CRYBG2: variants seen among roughly 807,000 people sequenced by gnomAD.
CRYBG2 encodes the protein crystallin beta-gamma domain containing 2, also known as beta/gamma crystallin domain-containing protein 2.
In CRYBG2, 106 loss-of-function variants were observed where a neutral mutation model predicts 153.4. The observed-to-expected ratio is 0.69, with a 90% CI of 0.59 to 0.81. CRYBG2 has a LOEUF of 0.81. Ranked by LOEUF, CRYBG2 falls within the 30% of genes least tolerant of loss-of-function variation. The pLI is 0.00. For synonymous variants in CRYBG2, 851 were observed against 877.8 expected, an observed-to-expected ratio of 0.97 and a Z score of 0.54; for missense variants, 1,996 against 2,112.0, an observed-to-expected ratio of 0.95 and a Z score of 1.08.
In CRYBG2 at chr1:26,344,560, G is replaced by C. The variant is rs2074179846; in HGVS notation, c.2098C>G (p.Gln700Glu). The C allele has an allele frequency of 6.5e-7, 1 of 1,541,736 alleles. No individual in the cohort carries two copies. Among genetic ancestry groups the C allele is most frequent in the East Asian group, 2.4e-5 (1 of 40,936 alleles). ...GGGGCAGGGAGAGCATCAGGGTCCT[G>C]CACAACCTCTTTCTGGGTGAGAGAT... ...ISSLTQKEVVQDPDALPAPSS... is the reference protein window; with the variant it reads ...ISSLTQKEVVEDPDALPAPSS... Residue 700 changes from glutamine (Q) to glutamate (E), a missense_variant, in exon 2 of 20, where the codon CAG (glutamine) becomes GAG (glutamate). Gln to Glu is a conservative substitution (Grantham distance 29). Transcript: ENST00000308182.
At chr1:26,329,009 A>G in intron 15 of CRYBG2, 136 bp from the exon 16 acceptor site, 1 of 1,106,394 alleles carries the variant, frequency 9.0e-7, no homozygotes, top group Admixed American at 2.7e-5. Context: ...CTGCAGGGCC[A>G]CTGATTCTTG....
Position 26,339,459 on chromosome 1 carries a change from G to C in CRYBG2, c.3205-30C>G, listed in dbSNP as rs753806828. 49 of 1,611,858 alleles carry C rather than the reference G, an allele frequency of 3.0e-5. 2 individuals are homozygous for C. In the South Asian group the frequency reaches 4.6e-4, roughly 15 times the overall value. ...GGAAGGAGGGGGAAAATTAAATATA[G>C]ATAAACAGCCAGGCGTGGTGGCTCA... On this transcript the variant is annotated intron_variant, in intron 5 of 19. Transcript: ENST00000308182.
chr1:26,324,348 G>A, intron 17 of CRYBG2, 38 bp from the exon 18 acceptor site: 3 of 1,564,512 alleles, frequency 1.9e-6, no homozygotes, highest in Non-Finnish European at 2.6e-6. Context: ...GGGGTGCCGG[G>A]GAGGGATGAC....
Position 26,331,483 on chromosome 1 carries a change from A to G in CRYBG2, c.4314+6T>C. On this transcript the variant is annotated splice_donor_region_variant and intron_variant, in intron 15 of 19. Transcript: ENST00000308182. ...GGATTGCCTGGAACCAGACATGGAA[A>G]CTCACCAGGGATACCTTCTGGAGAG... 6.2e-7 allele frequency: 1 copy of G among 1,607,146 alleles called. No individual in the cohort carries two copies. The highest frequency in any genetic ancestry group is 1.1e-5 in the South Asian group (1 of 90,976).
chr1:26,323,672 G>A (rs1282138296), intron 18 of CRYBG2, among the ~76,000 whole-genome samples: 1 of 151,870 alleles, frequency 6.6e-6, no homozygotes, highest in Non-Finnish European at 1.5e-5. Context: ...AGGCTGGAGT[G>A]CAGTGGCGCA....
chr1:26,342,679 G>A (rs1031996168), intron 5 of CRYBG2, 75 bp downstream of exon 5: 22 of 1,568,400 alleles, frequency 1.4e-5, no homozygotes, highest in East Asian at 1.1e-4. Flanking sequence ...CATTACAGGC[G>A]TGAGTCACTG....
intron 5 of CRYBG2, 135 bp from the exon 6 acceptor site, chr1:26,339,564 T>C: frequency 6.8e-6 from 6 of 877,514 alleles, no homozygotes; most frequent in Non-Finnish European, 1.0e-5. Flanking sequence ...CTGACCAACA[T>C]GGAGAAACCC....
At chr1:26,327,750 C>A (rs749533401) in intron 17 of CRYBG2, among the ~76,000 whole-genome samples, 1 of 151,880 alleles carries the variant, frequency 6.6e-6, no homozygotes, top group African/African-American at 2.4e-5. Flanking sequence ...AATTGGAGAC[C>A]AGTCTGGCCA....
rs1333653999 is a variant in CRYBG2 at position 26,337,287 on chromosome 1, T to C, written c.3737A>G (p.Asp1246Gly). Residue 1246 changes from aspartate to glycine, a missense_variant, in exon 10 of 20, where the codon GAC (aspartate) becomes GGC (glycine). Transcript: ENST00000308182. ...GACCCGGAGGGAGGTCAGCAACTCG[T>C]CATAGCCTCCCCAGTGTGACCAGTC... Reference protein sequence around the residue: ...YPDWSHWGGYDELLTSLRVIR... With the variant: ...YPDWSHWGGYGELLTSLRVIR... 1 of 1,614,046 alleles carries C rather than the reference T, an allele frequency of 6.2e-7. No homozygotes were observed. The highest frequency in any genetic ancestry group is 1.7e-5 in the Admixed American group (1 of 60,018).
rs1018952015 is a variant in CRYBG2 at position 26,328,818 on chromosome 1, T to G, written c.4370A>C (p.Glu1457Ala). 1 of 1,613,914 alleles carries G rather than the reference T, an allele frequency of 6.2e-7. No homozygotes were observed. The highest frequency in any genetic ancestry group is 1.3e-5 in the African/African-American group (1 of 74,880). ...LYGLECFEGKEIELSREVRSL... is the reference protein window; with the variant it reads ...LYGLECFEGKAIELSREVRSL... ...CCGCACCTCCCTGCTGAGCTCGATC[T>G]CCTTCCCCTCGAAGCACTCGAGTCC... Residue 1457 changes from glutamate to alanine, a missense_variant, in exon 16 of 20, where the codon GAG becomes GCG. Glu to Ala is a moderately radical substitution (Grantham distance 107, BLOSUM62 -1). Coordinates refer to ENST00000308182, the MANE Select transcript of CRYBG2 (RefSeq NM_001039775.4).
Position 26,336,600 on chromosome 1 carries a change from AC to A in CRYBG2, c.4038+5del. On this transcript the variant is annotated splice_donor_5th_base_variant and intron_variant, in intron 12 of 19. Transcript: ENST00000308182. The surrounding 1 kb of genome is among the most constrained non-coding windows in gnomAD (Gnocchi z 4.9). The stretch of plus-strand genomic sequence containing the variant: ...GGAGGCCCCGCCCCCCGCGGCCGGC[AC>A]GCACCTGTAGGACCGGCTGCAGCGA... 1 of 1,547,348 alleles carries A rather than the reference AC, an allele frequency of 6.5e-7. No individual in the cohort carries two copies. Among genetic ancestry groups the A allele is most frequent in the Non-Finnish European group, 8.7e-7 (1 of 1,145,544 alleles).
chr1:26,329,207 A>C (rs1570172168), intron 15 of CRYBG2, among the ~76,000 whole-genome samples: 4 of 116,298 alleles, frequency 3.4e-5, no homozygotes, highest in African/African-American at 6.9e-5. Flanking sequence ...ACAGAGTCTC[A>C]CTCTTGTCAC....
chr1:26,337,947 C>G (rs2074082243), intron 8 of CRYBG2, 65 bp downstream of exon 8: 2 of 1,576,962 alleles, frequency 1.3e-6, no homozygotes, highest in Non-Finnish European at 1.7e-6. Context: ...GTCCAGACCA[C>G]GATAACCAAA....
At chr1:26,333,643 G>A (rs2074023607) in intron 14 of CRYBG2, among the ~76,000 whole-genome samples, 1 of 151,970 alleles carries the variant, frequency 6.6e-6, no homozygotes, top group Non-Finnish European at 1.5e-5. Flanking sequence ...GCAAGAAGGT[G>A]GCCTTCTGCA....
At position 26,339,416 on chromosome 1, in the gene CRYBG2, G is replaced by C; in HGVS notation, c.3218C>G (p.Pro1073Arg). The change falls in exon 6 of 20, where the codon CCG becomes CGG. Residue 1073 changes from proline to arginine, a missense_variant. Transcript: ENST00000308182. ...CTCCTCAGAGAAGAGGCTGATTTCC[G>C]GGGTGCTGTAGTCCTGTGGAAGGAG... ...LRRVVWDYST[P>R]EISLFSEEGL... The C allele has an allele frequency of 1.9e-6, 3 of 1,614,064 alleles. No homozygotes were observed. Among genetic ancestry groups the C allele is most frequent in the Non-Finnish European group, 2.5e-6 (3 of 1,180,030 alleles).
At position 26,342,701 on chromosome 1, in the gene CRYBG2, G is replaced by A. The variant is rs865874991; in HGVS notation, c.3204+53C>T. The A allele has an allele frequency of 1.5e-4, 237 of 1,592,042 alleles. No individual in the cohort carries two copies. In the Middle Eastern group the frequency reaches 1.8e-3, roughly 12 times the overall value. On this transcript the variant is annotated intron_variant, in intron 5 of 19. Coordinates refer to ENST00000308182, the MANE Select transcript of CRYBG2 (RefSeq NM_001039775.4). ...GGCGTGAGTCACTGCTCCTGGCCTC[G>A]GGGATTTCAACTCTAGGCACTCGAG... is the stretch of plus-strand genomic sequence containing the variant.
chr1:26,341,955 G>T lies in CRYBG2; in HGVS notation c.3204+799C>A, dbSNP rs201734964. On this transcript the variant is annotated intron_variant, in intron 5 of 19. Transcript: ENST00000308182. ...TAAATCCCTAGTCTGGCTATATGGC[G>T]TCCCTGCTCCAAACCCAATCCTCAC... is the stretch of plus-strand genomic sequence containing the variant. Among the ~76,000 whole-genome samples the T allele has an allele frequency of 5.3e-5, 8 of 152,176 alleles. No homozygotes were observed. The East Asian group carries it at 1.5e-3, about 29-fold the overall frequency.
Position 26,322,153 on chromosome 1 carries a change from T to A in CRYBG2, c.4897+11A>T. The A allele has an allele frequency of 6.2e-7, 1 of 1,611,126 alleles. No individual in the cohort carries two copies. The highest frequency in any genetic ancestry group is 1.3e-5 in the African/African-American group (1 of 74,974). On this transcript the variant is annotated intron_variant, in intron 19 of 19. Transcript: ENST00000308182. ...CCTCAGGAGCCCTCTTCCCCATACA[T>A]CCCACCTTACCCTTCACGTCCAGGA...
chr1:26,348,028 G>A (rs1269156601), intron 1 of CRYBG2, among the ~76,000 whole-genome samples: 8 of 152,028 alleles, frequency 5.3e-5, no homozygotes, highest in Non-Finnish European at 1.2e-4. Context: ...TGAACTCCTG[G>A]GCTGAAGTGA....
Sources: gnomAD v4.1 joint callset for allele counts (sites outside exome capture counted in the v4.1 genomes callset) on GRCh38, gnomAD v4.1.1 for gene constraint, Gnocchi (gnomAD v3.1) non-coding constraint, MANE v1.5 for transcripts, NCBI Gene and HGNC (gene_info 2026-07-23, HGNC 2026-07-21) for gene names.